The following THADA variants were observed in gnomAD, a reference collection of about 807,000 sequenced individuals.
THADA encodes THADA armadillo repeat containing, also known as tRNA (32-2'-O)-methyltransferase regulator THADA.
THADA carries 213 observed loss-of-function variants against 219.8 expected under a neutral mutation model. The ratio of observed to expected loss-of-function variants is 0.97; its 90% confidence interval spans 0.87 to 1.09. The LOEUF (loss-of-function observed/expected upper bound fraction) is 1.09, where lower values mean the gene tolerates loss of function less well. Among genes scored for constraint, THADA ranks in the 50% least tolerant of loss-of-function variants. THADA has a pLI of 0.00. For synonymous variants in THADA, 1,018 were observed against 828.9 expected, an observed-to-expected ratio of 1.23 and a Z score of -3.92; for missense variants, 2,956 against 2,311.3, an observed-to-expected ratio of 1.28 and a Z score of -5.72.
intron 26 of THADA, chr2:43,484,284 A>T (rs1305269913): frequency 6.0e-6 from 1 of 167,412 alleles, no homozygotes; most frequent in Admixed American, 6.5e-5. Flanking sequence ...AAATGATTTC[A>T]TATTTTTTTA....
chr2:43,240,799 G>A (rs865822064), intron 36 of THADA, among the ~76,000 whole-genome samples: 16 of 152,318 alleles, frequency 1.1e-4, no homozygotes, highest in Middle Eastern at 3.4e-3. Context: ...GGGAACATAG[G>A]TGTTTGTGGT....
At chr2:43,571,664 C>T (rs2104007525) in intron 13 of THADA, 43 bp downstream of exon 13, 1 of 1,561,138 alleles carries the variant, frequency 6.4e-7, no homozygotes, top group East Asian at 2.3e-5. Context: ...ATTTCCCAAA[C>T]AAAGTTCACC....
intron 29 of THADA, among the ~76,000 whole-genome samples, chr2:43,352,426 C>T (rs558671390): frequency 6.6e-6 from 1 of 152,096 alleles, no homozygotes; most frequent in Admixed American, 6.6e-5. Flanking sequence ...GGTGTGGTGG[C>T]TTGTGCCTGT....
At chr2:43,454,451 A>G (rs1682737194) in intron 26 of THADA, among the ~76,000 whole-genome samples, 1 of 152,042 alleles carries the variant, frequency 6.6e-6, no homozygotes, top group South Asian at 2.1e-4. Context: ...AAAATACAAA[A>G]ATCAGCCAGG....
chr2:43,375,854 C>T (rs772058762), intron 29 of THADA, among the ~76,000 whole-genome samples: 2 of 152,158 alleles, frequency 1.3e-5, no homozygotes, highest in Admixed American at 6.5e-5. Flanking sequence ...AGGGCCTGCA[C>T]TATGAAGGTC....
rs187824520 is a variant in THADA at position 43,238,071 on chromosome 2, A to T, written c.5297-5189T>A. Among the ~76,000 whole-genome samples the T allele has an allele frequency of 2.6e-3, 342 of 133,026 alleles. 7 individuals carry two copies. The highest frequency in any genetic ancestry group is 0.023 in the Admixed American group (275 of 12,164). 87.3% of individuals were successfully genotyped at this position (133,026 alleles called of 152,430 possible). On this transcript the variant is annotated intron_variant, in intron 36 of 37. Transcript: ENST00000405975. ...GAGGTGGAGGTTGCAGTGAGCCAAG[A>T]TCGTGCCACTGCACTCCAGCCTGGA...
At chr2:43,493,605 G>A (rs887147711) in intron 25 of THADA, among the ~76,000 whole-genome samples, 4 of 152,120 alleles carry the variant, frequency 2.6e-5, no homozygotes, top group Non-Finnish European at 4.4e-5. Flanking sequence ...TCTGCAATGA[G>A]GATGAGGATG....
intron 22 of THADA, among the ~76,000 whole-genome samples, chr2:43,520,311 C>G (rs1373245852): frequency 6.6e-6 from 1 of 152,200 alleles, no homozygotes; most frequent in Non-Finnish European, 1.5e-5. Flanking sequence ...TCTTTAGCCT[C>G]TGAGTACATT....
Position 43,361,092 on chromosome 2 carries a change from G to C in THADA, c.4228-16855C>G, listed in dbSNP as rs547098013. On this transcript the variant is annotated intron_variant, in intron 29 of 37. Coordinates refer to ENST00000405975, the MANE Select transcript of THADA (RefSeq NM_022065.5). ...GGGTGCTACCAGTAGACAGAGGCCA[G>C]GGACGCTGCTAAACATCCTACAAGG... is the stretch of plus-strand genomic sequence containing the variant. 1.4e-4 allele frequency among the ~76,000 whole-genome samples: 21 copies of C among 152,214 alleles called. No homozygotes were observed. The South Asian group carries it at 4.2e-3, about 30-fold the overall frequency.
chr2:43,265,075 A>G (rs1449352602), intron 36 of THADA, among the ~76,000 whole-genome samples: 1 of 152,216 alleles, frequency 6.6e-6, no homozygotes, highest in Non-Finnish European at 1.5e-5. Flanking sequence ...AAGCCACCAG[A>G]ACAAGATTCC....
intron 10 of THADA, 24 bp downstream of exon 10, chr2:43,576,998 T>G: frequency 2.7e-5 from 43 of 1,591,330 alleles, no homozygotes; most frequent in Non-Finnish European, 3.3e-5. Context: ...AAACAAAATA[T>G]GAGACGATAG....
intron 31 of THADA, among the ~76,000 whole-genome samples, chr2:43,316,787 C>CGTG (rs1258334691): frequency 1.3e-5 from 2 of 152,078 alleles, no homozygotes; most frequent in Admixed American, 1.3e-4. Context: ...ATTAGCCAGG[C>CGTG]GTGGTGGCAC....
intron 28 of THADA, among the ~76,000 whole-genome samples, chr2:43,414,442 G>A (rs1221308161): frequency 1.3e-5 from 2 of 152,248 alleles, no homozygotes; most frequent in South Asian, 2.1e-4. Context: ...CTAGGTATTC[G>A]AAGTCAGAGT....
At chr2:43,321,946 A>G (rs1365246973) in intron 30 of THADA, among the ~76,000 whole-genome samples, 3 of 152,172 alleles carry the variant, frequency 2.0e-5, no homozygotes, top group Admixed American at 1.3e-4. Flanking sequence ...CTATAAACTA[A>G]GTTTTACAAT....
In THADA at chr2:43,571,753, C is replaced by A; in HGVS notation, c.2018G>T (p.Ser673Ile). The A allele has an allele frequency of 8.7e-6, 14 of 1,613,860 alleles. No homozygotes were observed. Among genetic ancestry groups the A allele is most frequent in the Non-Finnish European group, 1.2e-5 (14 of 1,179,834 alleles). ...IQFFITYNLN[S>I]QSPGVRQQIC... ...CTGTTGCCGCACTCCTGGAGACTGGCTGTTAAGATTGTATGTAATAAAGAA... is the reference window on the plus strand; with the variant it reads ...CTGTTGCCGCACTCCTGGAGACTGGATGTTAAGATTGTATGTAATAAAGAA... Residue 673 changes from serine (S) to isoleucine (I), a missense_variant, in exon 13 of 38, where the codon AGC (serine) becomes ATC (isoleucine). Transcript: ENST00000405975.
chr2:43,407,053 C>T (rs939269279), intron 28 of THADA, among the ~76,000 whole-genome samples: 3 of 152,208 alleles, frequency 2.0e-5, no homozygotes, highest in African/African-American at 7.2e-5. Context: ...CTCAGCATGT[C>T]GCCTTTCCTT....
At chr2:43,390,535 G>T (rs543815862) in intron 29 of THADA, among the ~76,000 whole-genome samples, 4 of 152,246 alleles carry the variant, frequency 2.6e-5, no homozygotes, top group South Asian at 4.1e-4. Flanking sequence ...CATGCCAACT[G>T]CCCTCCTCTC....
rs551684648 is a variant in THADA at position 43,319,312 on chromosome 2, G to C, written c.4438+1134C>G. ...GGGCGCACTATTAATAATTATGCTGGGATAAGAGGCATAAACTGGGATTGC... is the reference window on the plus strand; with the variant it reads ...GGGCGCACTATTAATAATTATGCTGCGATAAGAGGCATAAACTGGGATTGC... On this transcript the variant is annotated intron_variant, in intron 31 of 37. Coordinates refer to ENST00000405975, the MANE Select transcript of THADA (RefSeq NM_022065.5). 2.0e-5 allele frequency among the ~76,000 whole-genome samples: 3 copies of C among 152,178 alleles called. No individual in the cohort carries two copies. In the East Asian group the frequency reaches 5.8e-4, roughly 29 times the overall value.
intron 36 of THADA, among the ~76,000 whole-genome samples, chr2:43,240,256 G>A (rs773249402): frequency 1.3e-5 from 2 of 152,158 alleles, no homozygotes; most frequent in Non-Finnish European, 2.9e-5. Flanking sequence ...AGGCAGGCTG[G>A]GGTGGCCTGG....
Sources: allele counts gnomAD v4.1 joint callset (sites outside exome capture counted in the v4.1 genomes callset), GRCh38; gene constraint gnomAD v4.1.1; transcripts MANE v1.5; gene names NCBI Gene and HGNC (gene_info 2026-07-23, HGNC 2026-07-21).